GLB1: variants seen among roughly 807,000 people sequenced by gnomAD.
GLB1 encodes beta-galactosidase.
A neutral mutation model predicts 74.0 loss-of-function variants in GLB1; 56 were observed. The observed-to-expected ratio is 0.76, with a 90% CI of 0.61 to 0.94. The LOEUF (loss-of-function observed/expected upper bound fraction) is 0.94, where lower values mean the gene tolerates loss of function less well. Among genes scored for constraint, GLB1 ranks in the 40% least tolerant of loss-of-function variants. The pLI, the probability that GLB1 is intolerant of heterozygous loss-of-function variation, is 0.00. For synonymous variants in GLB1, 323 were observed against 323.6 expected (o/e 1.00, Z 0.02); for missense variants, 787 against 845.5 (o/e 0.93, Z 0.86).
At chr3:33,038,661 T>C (rs757440831) in intron 10 of GLB1, among the ~76,000 whole-genome samples, 9 of 152,188 alleles carry the variant, frequency 5.9e-5, no homozygotes, top group Non-Finnish European at 2.9e-5. Context: ...GGGAGTCTTC[T>C]AGGGCTGAGA....
chr3:32,970,600 G>T, the GLB1 span, among the ~76,000 whole-genome samples: 3 of 152,234 alleles, frequency 2.0e-5, no homozygotes, highest in South Asian at 6.2e-4. Context: ...ATATAGGATA[G>T]GCCCCATATT....
At chr3:33,029,968 A>G (rs1292709640) in intron 10 of GLB1, 2 of 151,896 alleles carry the variant, frequency 1.3e-5, no homozygotes, top group Non-Finnish European at 2.9e-5. Context: ...AAAAAAAAAA[A>G]AAAGAAAAGT....
Position 33,014,141 on chromosome 3 carries a change from G to C in GLB1, c.1649C>G (p.Ala550Gly). 1 of 1,614,178 alleles carries C rather than the reference G, an allele frequency of 6.2e-7. No individual in the cohort carries two copies. Among genetic ancestry groups the C allele is most frequent in the Non-Finnish European group, 8.5e-7 (1 of 1,180,030 alleles). The change falls in exon 15 of 16, where the codon GCC becomes GGC. Residue 550 changes from alanine to glycine, a missense_variant. Ala to Gly is a moderately conservative substitution (Grantham distance 60). Coordinates refer to ENST00000307363, the MANE Select transcript of GLB1 (RefSeq NM_000404.4). Reference sequence around the variant, plus strand: ...AATGGAGAAGTTCCCCATATAAAAGGCCGGGAGCGTGTAGTTGGATGAGTT... The same window carrying C: ...AATGGAGAAGTTCCCCATATAAAAGCCCGGGAGCGTGTAGTTGGATGAGTT... ...AHNSSNYTLP[A>G]FYMGNFSIPS... is the part of the protein sequence containing the mutation.
Position 33,093,270 on chromosome 3 carries a change from G to T in GLB1, c.75+3741C>A. On this transcript the variant is annotated intron_variant, in intron 1 of 15. Transcript: ENST00000307363. The surrounding 1 kb of genome is among the most constrained non-coding windows in gnomAD (Gnocchi z 6.0). ...ACCACCACCACGTTGGGCCCGTGTG[G>T]CGGAAATCTTCACGTTCTCATTATG... 6.2e-7 allele frequency: 1 copy of T among 1,614,142 alleles called. No individual in the cohort carries two copies.
intron 9 of GLB1, among the ~76,000 whole-genome samples, chr3:33,047,842 A>G (rs1451495895): frequency 6.6e-6 from 1 of 152,172 alleles, no homozygotes; most frequent in African/African-American, 2.4e-5. Context: ...GAACTGATCT[A>G]GTCATACCAT....
At chr3:32,976,843 G>T in the GLB1 span, among the ~76,000 whole-genome samples, 1 of 152,154 alleles carries the variant, frequency 6.6e-6, no homozygotes, top group Non-Finnish European at 1.5e-5. Flanking sequence ...ACAAAAGGAT[G>T]ATCAAGAAAA....
At chr3:32,985,024 G>T in the GLB1 span, among the ~76,000 whole-genome samples, 2 of 149,216 alleles carry the variant, frequency 1.3e-5, no homozygotes, top group Admixed American at 6.7e-5. Flanking sequence ...AGAACTGCTT[G>T]AGCCCAGGAG....
intron 10 of GLB1, among the ~76,000 whole-genome samples, chr3:33,029,093 G>A (rs1553607900): frequency 1.3e-5 from 2 of 151,820 alleles, no homozygotes; most frequent in Non-Finnish European, 2.9e-5. Flanking sequence ...TTTTAATATT[G>A]ATGATTTTCA....
intron 1 of GLB1, chr3:33,077,186 G>C: frequency 6.7e-7 from 1 of 1,484,362 alleles, no homozygotes; most frequent in Non-Finnish European, 9.0e-7. Flanking sequence ...AGCGGCAGCT[G>C]AGACTTAGGC....
chr3:32,985,381 C>G, the GLB1 span, among the ~76,000 whole-genome samples: 2 of 151,936 alleles, frequency 1.3e-5, no homozygotes, highest in African/African-American at 2.4e-5. Context: ...ACCTCTGCCT[C>G]CCGGGTTCAA....
rs553275781 is a variant in GLB1, at chr3:33,067,873, G to C, written c.457+357C>G. On this transcript the variant is annotated intron_variant, in intron 4 of 15. Coordinates refer to ENST00000307363, the MANE Select transcript of GLB1 (RefSeq NM_000404.4). ...ATACCTCCCCCTTTTGATATAAATT[G>C]TTGAAGCTTTTTTGTTTGTTTGTTT... 3.3e-5 allele frequency among the ~76,000 whole-genome samples: 5 copies of C among 152,020 alleles called. 1 individual carries two copies. Among genetic ancestry groups the C allele is most frequent in the Admixed American group, 3.3e-4 (5 of 15,248 alleles).
chr3:32,997,634 G>A (rs1003626368), intron 15 of GLB1, among the ~76,000 whole-genome samples: 2 of 152,140 alleles, frequency 1.3e-5, no homozygotes, highest in Non-Finnish European at 2.9e-5. Context: ...CCTCTGACGG[G>A]CTTCAGTGGC....
intron 4 of GLB1, 142 bp from the exon 5 acceptor site, chr3:33,065,699 G>A (rs551954880): frequency 3.1e-5 from 30 of 961,902 alleles, no homozygotes; most frequent in Middle Eastern, 3.4e-4. Flanking sequence ...TGGGTGCGGT[G>A]GCTCACGCCT....
intron 15 of GLB1, among the ~76,000 whole-genome samples, chr3:33,008,191 G>A (rs1321093494): frequency 1.3e-5 from 2 of 152,204 alleles, no homozygotes; most frequent in Non-Finnish European, 2.9e-5. Context: ...GGGAGAAAAA[G>A]AGGGATCGAG....
chr3:32,981,467 T>G, the GLB1 span, among the ~76,000 whole-genome samples: 1 of 150,960 alleles, frequency 6.6e-6, no homozygotes, highest in East Asian at 2.0e-4. Flanking sequence ...TATCTCTTTT[T>G]ACGTTGGATA....
intron 15 of GLB1, among the ~76,000 whole-genome samples, chr3:32,999,958 T>G (rs993719059): frequency 1.3e-5 from 2 of 149,890 alleles, no homozygotes; most frequent in South Asian, 4.2e-4. Flanking sequence ...GCCTTTTTCT[T>G]TTTCTTTTTT....
At chr3:32,983,918 G>GAAGT in the GLB1 span, among the ~76,000 whole-genome samples, 1 of 151,518 alleles carries the variant, frequency 6.6e-6, no homozygotes, top group Non-Finnish European at 1.5e-5. Flanking sequence ...CTCCATGGCT[G>GAAGT]AAGTAATCCT....
the GLB1 span, among the ~76,000 whole-genome samples, chr3:32,980,535 A>G: frequency 1.3e-5 from 2 of 152,328 alleles, no homozygotes; most frequent in Non-Finnish European, 2.9e-5. Flanking sequence ...TAAAACCATC[A>G]GCTTTGGGAG....
chr3:33,092,415 A>G lies in GLB1; in HGVS notation c.75+4596T>C, dbSNP rs1700802886. 1.1e-5 allele frequency: 11 copies of G among 994,712 alleles called. No homozygotes were observed. The South Asian group carries it at 5.1e-4, about 46-fold the overall frequency. 61.6% of individuals were successfully genotyped at this position (994,712 alleles called of 1,614,324 possible). ...CTCTGGATCAATGATTCTGGAAACC[A>G]CTTAAGTCCTAAAGACAATTTTAAA... On this transcript the variant is annotated intron_variant, in intron 1 of 15. Transcript: ENST00000307363.
Sources: gnomAD v4.1 joint callset for allele counts (sites outside exome capture counted in the v4.1 genomes callset) on GRCh38, gnomAD v4.1.1 for gene constraint, Gnocchi (gnomAD v3.1) non-coding constraint, MANE v1.5 for transcripts, NCBI Gene and HGNC (gene_info 2026-07-23, HGNC 2026-07-21) for gene names.